Variants in CDK17 observed in about 807,000 individuals in gnomAD.
The protein encoded by CDK17 is cyclin-dependent kinase 17.
A neutral mutation model predicts 77.6 loss-of-function variants in CDK17; 24 were observed. The observed-to-expected ratio is 0.31, with a 90% CI of 0.22 to 0.44. The LOEUF is 0.44. CDK17 is among the 20% of genes least tolerant of loss of function. CDK17 has a pLI of 1.00. For synonymous variants in CDK17, 203 were observed against 210.4 expected (o/e 0.96, Z 0.30); for missense variants, 429 against 622.5 (o/e 0.69, Z 3.31).
intron 1 of CDK17, among the ~76,000 whole-genome samples, chr12:96,386,322 C>T (rs952318411): frequency 2.0e-5 from 3 of 152,152 alleles, no homozygotes; most frequent in Non-Finnish European, 4.4e-5. Flanking sequence ...TTTGCCTTCA[C>T]TTCAAAAAAT....
At chr12:96,364,777 T>C (rs552702801) in intron 1 of CDK17, among the ~76,000 whole-genome samples, 1 of 152,348 alleles carries the variant, frequency 6.6e-6, no homozygotes, top group African/African-American at 2.4e-5. Context: ...ACAAATGAAC[T>C]TCAACAATTT....
intron 10 of CDK17, among the ~76,000 whole-genome samples, chr12:96,292,837 A>T (rs1952343930): frequency 6.6e-6 from 1 of 151,692 alleles, no homozygotes; most frequent in Non-Finnish European, 1.5e-5. Flanking sequence ...TTAAAACCAG[A>T]TTAGCTAAAA....
In CDK17 at chr12:96,389,670, G is replaced by C. The variant is rs570793355; in HGVS notation, c.-30+10316C>G. On this transcript the variant is annotated intron_variant, in intron 1 of 16. Transcript: ENST00000261211. ...TTTTAAGAAGACTGTGTAAGCTGAGGAATTTAAAAAGGCACTGACTCCCAC... is the reference window on the plus strand; with the variant it reads ...TTTTAAGAAGACTGTGTAAGCTGAGCAATTTAAAAAGGCACTGACTCCCAC... Among the ~76,000 whole-genome samples, 3 of 152,128 alleles carry C rather than the reference G, an allele frequency of 2.0e-5. No homozygotes were observed. In the East Asian group the frequency reaches 5.8e-4, roughly 29 times the overall value.
intron 1 of CDK17, among the ~76,000 whole-genome samples, chr12:96,388,445 T>C (rs1271626690): frequency 1.3e-5 from 2 of 152,166 alleles, no homozygotes; most frequent in African/African-American, 2.4e-5. Context: ...CATTAATAAC[T>C]TGAACTCACT....
chr12:96,310,360 C>T (rs1952631386), intron 5 of CDK17, among the ~76,000 whole-genome samples: 1 of 151,840 alleles, frequency 6.6e-6, no homozygotes, highest in Non-Finnish European at 1.5e-5. Flanking sequence ...TTCATAATTA[C>T]ACAAAGCTCA....
rs10633197 is a variant in CDK17, at chr12:96,393,354, C to CAAAAAAA, written c.-30+6625_-30+6631dup. On this transcript the variant is annotated intron_variant, in intron 1 of 16. Coordinates refer to ENST00000261211, the MANE Select transcript of CDK17 (RefSeq NM_002595.5). ...TACTCCAGCCTGTGAGGCTCCGCCTCAAAAAAAAAAAAAAAAAAAAAAAAA... is the reference window on the plus strand; with the variant it reads ...TACTCCAGCCTGTGAGGCTCCGCCTCAAAAAAAAAAAAAAAAAAAAAAAAAAAAAAAA... Among the ~76,000 whole-genome samples, 165 of 43,292 alleles carry CAAAAAAA rather than the reference C, an allele frequency of 3.8e-3. 5 individuals carry two copies. Among genetic ancestry groups the CAAAAAAA allele is most frequent in the Non-Finnish European group, 4.1e-3 (100 of 24,312 alleles). The allele number at this position is 43,292 out of a possible 152,430, so 28.4% of individuals were successfully genotyped here.
rs575528727 is a variant in CDK17 at position 96,338,750 on chromosome 12, T to C, written c.-29-3885A>G. Among the ~76,000 whole-genome samples, 8 of 150,184 alleles carry C rather than the reference T, an allele frequency of 5.3e-5. No individual in the cohort carries two copies. The South Asian group carries it at 1.7e-3, about 32-fold the overall frequency. On this transcript the variant is annotated intron_variant, in intron 1 of 16. Transcript: ENST00000261211. The stretch of plus-strand genomic sequence containing the variant: ...TTTTTTTGGTGAGCGATAATAAATG[T>C]TATTGTCTGAAGCCACTAAGGTTTT...
intron 10 of CDK17, among the ~76,000 whole-genome samples, chr12:96,292,694 A>C (rs541356221): frequency 1.3e-5 from 2 of 152,210 alleles, no homozygotes; most frequent in African/African-American, 2.4e-5. Flanking sequence ...TTAAAAACTA[A>C]GTTCTCTAAG....
chr12:96,385,970 C>CA (rs142386793), intron 1 of CDK17, among the ~76,000 whole-genome samples: 49 of 149,616 alleles, frequency 3.3e-4, no homozygotes, highest in African/African-American at 9.8e-4. Flanking sequence ...CCAAGTAGAA[C>CA]AAAAAAAAAG....
chr12:96,356,057 C>G (rs184304194), intron 1 of CDK17, among the ~76,000 whole-genome samples: 1 of 152,204 alleles, frequency 6.6e-6, no homozygotes, highest in Admixed American at 6.5e-5. Flanking sequence ...CTATCATGTC[C>G]CCAGCAATAT....
intron 1 of CDK17, among the ~76,000 whole-genome samples, chr12:96,390,641 G>A (rs1954052144): frequency 1.3e-5 from 2 of 148,390 alleles, no homozygotes; most frequent in South Asian, 4.2e-4. Context: ...CCTGGGAGGT[G>A]GAGATTGCAG....
At chr12:96,381,363 TACA>T (rs769141561) in intron 1 of CDK17, among the ~76,000 whole-genome samples, 20 of 40,018 alleles carry the variant, frequency 5.0e-4, no homozygotes, top group Non-Finnish European at 8.9e-4. Flanking sequence ...CATTTTTTCC[TACA>T]AAAAAAAAAA....
chr12:96,286,466 T>A (rs1952247959), intron 12 of CDK17, among the ~76,000 whole-genome samples, 198 bp downstream of exon 12: 1 of 152,144 alleles, frequency 6.6e-6, no homozygotes, highest in Admixed American at 6.6e-5. Context: ...CATAAAATCT[T>A]TATTGCAAAG....
chr12:96,349,881 C>T (rs1352230629), intron 1 of CDK17, among the ~76,000 whole-genome samples: 2 of 151,956 alleles, frequency 1.3e-5, no homozygotes, highest in African/African-American at 4.8e-5. Context: ...TTAAAGAATC[C>T]ACAAATAAAA....
chr12:96,374,296 A>T (rs985536305), intron 1 of CDK17, among the ~76,000 whole-genome samples: 4 of 152,244 alleles, frequency 2.6e-5, no homozygotes, highest in African/African-American at 9.6e-5. Context: ...TGAACTGAAT[A>T]GTTCTGTGAA....
At chr12:96,289,120 A>G (rs1408084439) in intron 11 of CDK17, 47 bp downstream of exon 11, 1 of 1,583,722 alleles carries the variant, frequency 6.3e-7, no homozygotes, top group Non-Finnish European at 8.7e-7. Flanking sequence ...ATTAACAGTT[A>G]CATTCTTTCA....
At chr12:96,337,686 G>C (rs1377929615) in intron 1 of CDK17, among the ~76,000 whole-genome samples, 1 of 152,130 alleles carries the variant, frequency 6.6e-6, no homozygotes, top group African/African-American at 2.4e-5. Context: ...TTGACAGTCA[G>C]TAACTCATGC....
chr12:96,284,252 C>G (rs930706988), intron 13 of CDK17, among the ~76,000 whole-genome samples: 1 of 152,022 alleles, frequency 6.6e-6, no homozygotes, highest in East Asian at 1.9e-4. Context: ...GGGTGGATCA[C>G]GAGGTCAGGA....
At chr12:96,336,201 C>T (rs1953038578) in intron 1 of CDK17, among the ~76,000 whole-genome samples, 1 of 152,036 alleles carries the variant, frequency 6.6e-6, no homozygotes, top group African/African-American at 2.4e-5. Flanking sequence ...GTAGCTCATG[C>T]TTGTAATCCT....
Sources: allele counts gnomAD v4.1 joint callset (sites outside exome capture counted in the v4.1 genomes callset), GRCh38; gene constraint gnomAD v4.1.1; transcripts MANE v1.5; gene names NCBI Gene and HGNC (gene_info 2026-07-23, HGNC 2026-07-21).